Variants in CACNA1E observed in about 807,000 individuals in gnomAD.
The protein encoded by CACNA1E is calcium voltage-gated channel subunit alpha1 E.
Under a neutral mutation model 259.2 loss-of-function variants are expected in CACNA1E, and 40 were observed. The ratio of observed to expected loss-of-function variants is 0.15; its 90% CI spans 0.12 to 0.20. The LOEUF (loss-of-function observed/expected upper bound fraction) is 0.20. CACNA1E is among the 10% of genes least tolerant of loss of function. The pLI is 1.00. For missense variants in CACNA1E, 1,874 were observed against 3,040.1 expected, an observed-to-expected ratio of 0.62 and a Z score of 9.02; for synonymous variants, 1,104 against 1,138.5, an observed-to-expected ratio of 0.97 and a Z score of 0.61.
intron 3 of CACNA1E, among the ~76,000 whole-genome samples, chr1:181,522,617 A>ATTATATTAAATATTATATATTT (rs1667072523): frequency 6.6e-6 from 1 of 152,186 alleles, no homozygotes; most frequent in Admixed American, 6.5e-5. Context: ...TAACCACTGT[A>ATTATATTAAATATTATATATTT]AATATAACAT....
upstream of CACNA1E, among the ~76,000 whole-genome samples, chr1:181,479,552 A>G (rs1467145041): frequency 2.0e-5 from 3 of 152,204 alleles, no homozygotes; most frequent in African/African-American, 7.2e-5. Flanking sequence ...ATATGAAGTC[A>G]TGCAATACCG....
intron 6 of CACNA1E, among the ~76,000 whole-genome samples, chr1:181,634,209 G>C (rs779211173): frequency 2.6e-5 from 4 of 152,110 alleles, no homozygotes; most frequent in Non-Finnish European, 5.9e-5. Context: ...TTTAAAATGG[G>C]GGTGATAATG....
chr1:181,482,644 T>C (rs977584269), upstream of CACNA1E, among the ~76,000 whole-genome samples: 1 of 152,268 alleles, frequency 6.6e-6, no homozygotes, highest in African/African-American at 2.4e-5. Flanking sequence ...CGCTGTCCTC[T>C]GCCTCGCCTC....
At chr1:181,591,180 C>T (rs1277699694) in intron 6 of CACNA1E, among the ~76,000 whole-genome samples, 1 of 152,224 alleles carries the variant, frequency 6.6e-6, no homozygotes, top group African/African-American at 2.4e-5. Context: ...TTGAAGACCA[C>T]CCACAGTCAC....
At chr1:181,575,015 A>G (rs1650818959) in intron 3 of CACNA1E, among the ~76,000 whole-genome samples, 1 of 99,156 alleles carries the variant, frequency 1.0e-5, no homozygotes, top group South Asian at 4.2e-4. Context: ...ACAGAGCAAG[A>G]CTCTGTCTCA....
At chr1:181,572,043 A>T (rs1466845807) in intron 3 of CACNA1E, among the ~76,000 whole-genome samples, 1 of 152,248 alleles carries the variant, frequency 6.6e-6, no homozygotes, top group Admixed American at 6.5e-5. Flanking sequence ...AAAATTATTT[A>T]TCTGAAATTC....
chr1:181,427,076 A>G (rs1026793453), intron 2 of CACNA1E, among the ~76,000 whole-genome samples: 3 of 149,130 alleles, frequency 2.0e-5, no homozygotes, highest in African/African-American at 7.4e-5. Context: ...TCCTTACTCA[A>G]TCCCTTCCTA....
At chr1:181,534,254 C>T (rs1354231401) in intron 3 of CACNA1E, among the ~76,000 whole-genome samples, 7 of 152,034 alleles carry the variant, frequency 4.6e-5, no homozygotes, top group African/African-American at 1.2e-4. Flanking sequence ...TCATCTAATT[C>T]ATAAACTCAA....
chr1:181,674,394 C>CAAAAAAAAAAAA (rs10711497), intron 7 of CACNA1E, among the ~76,000 whole-genome samples: 3 of 43,566 alleles, frequency 6.9e-5, no homozygotes, highest in Non-Finnish European at 8.4e-5. Flanking sequence ...GACTCCATCT[C>CAAAAAAAAAAAA]AAAAAAAAAA....
rs555378217 is a variant in CACNA1E, at chr1:181,777,771, G to A, written c.5267+1543G>A. ...TTATTATAATCAACAATAACCACAC[G>A]GGAATGCTAATTGGAATGTCTAGAA... On this transcript the variant is annotated intron_variant, in intron 38 of 47. Coordinates refer to ENST00000367573, the MANE Select transcript of CACNA1E (RefSeq NM_001205293.3). Among the ~76,000 whole-genome samples the A allele has an allele frequency of 3.3e-4, 51 of 152,280 alleles. No homozygotes were observed. In the South Asian group the frequency reaches 6.0e-3, roughly 18 times the overall value.
At chr1:181,327,397 G>GTA (rs1375674356) in intron 1 of CACNA1E, among the ~76,000 whole-genome samples, 2 of 152,092 alleles carry the variant, frequency 1.3e-5, no homozygotes, top group African/African-American at 2.4e-5. Context: ...TGTGTATGTG[G>GTA]TATATATATA....
intron 7 of CACNA1E, among the ~76,000 whole-genome samples, chr1:181,685,768 T>A (rs1485868648): frequency 6.6e-6 from 1 of 152,238 alleles, no homozygotes; most frequent in Non-Finnish European, 1.5e-5. Flanking sequence ...TTTGGAATAC[T>A]TCACCTATAT....
chr1:181,613,927 AT>A (rs550574957), intron 6 of CACNA1E, among the ~76,000 whole-genome samples: 1 of 152,062 alleles, frequency 6.6e-6, no homozygotes, highest in African/African-American at 2.4e-5. Context: ...TTAGCTTGAC[AT>A]TTTTTTAAGC....
chr1:181,391,941 C>G (rs4048568), intron 1 of CACNA1E, among the ~76,000 whole-genome samples: 3,162 of 116,526 alleles, frequency 0.027, 37 homozygotes, highest in Non-Finnish European at 0.032. Context: ...CTCTCTCTCT[C>G]TCTCTGTGTG....
At chr1:181,637,298 T>C (rs1572447683) in intron 6 of CACNA1E, among the ~76,000 whole-genome samples, 2 of 152,220 alleles carry the variant, frequency 1.3e-5, no homozygotes, top group Non-Finnish European at 2.9e-5. Flanking sequence ...TGATCATCCC[T>C]GATAAAGCCC....
At chr1:181,690,639 T>G (rs1388006750) in intron 7 of CACNA1E, among the ~76,000 whole-genome samples, 1 of 152,228 alleles carries the variant, frequency 6.6e-6, no homozygotes, top group Non-Finnish European at 1.5e-5. Context: ...GTTTGTGTCC[T>G]CTCTTATTTC....
chr1:181,484,090 A>G, intron 1 of CACNA1E, 80 bp downstream of exon 1: 1 of 1,384,546 alleles, frequency 7.2e-7, no homozygotes, highest in Non-Finnish European at 1.0e-6. Context: ...CATGGAATGT[A>G]TCCCCCACCC....
intron 7 of CACNA1E, among the ~76,000 whole-genome samples, chr1:181,681,731 C>T (rs936374846): frequency 2.6e-5 from 4 of 152,168 alleles, no homozygotes; most frequent in Middle Eastern, 3.2e-3. Context: ...TACCACCTAC[C>T]AGCTGTGAGT....
At chr1:181,517,215 C>G (rs933032374) in intron 3 of CACNA1E, among the ~76,000 whole-genome samples, 2 of 152,138 alleles carry the variant, frequency 1.3e-5, no homozygotes, top group Admixed American at 6.5e-5. Context: ...CTTAGCTGGG[C>G]AGGGAAGGAG....
Sources: gnomAD v4.1 joint callset for allele counts (sites outside exome capture counted in the v4.1 genomes callset) on GRCh38, gnomAD v4.1.1 for gene constraint, MANE v1.5 for transcripts, NCBI Gene and HGNC (gene_info 2026-07-23, HGNC 2026-07-21) for gene names.